Variants in SLC35G1 observed in about 807,000 individuals in gnomAD.
SLC35G1 encodes the protein partner of STIM1.
SLC35G1 carries 10 observed loss-of-function variants against 17.1 expected under a neutral mutation model. The observed-to-expected ratio is 0.59, with a 90% CI of 0.36 to 0.99. The LOEUF (loss-of-function observed/expected upper bound fraction) is 0.99. Among genes scored for constraint, SLC35G1 ranks in the 50% least tolerant of loss-of-function variants. The pLI is 0.01. For synonymous variants in SLC35G1, 185 were observed against 181.1 expected (o/e 1.02, Z -0.18); for missense variants, 433 against 468.4 (o/e 0.92, Z 0.70).
chr10:93,899,199 G>A (rs2060358706), intron 2 of SLC35G1, among the ~76,000 whole-genome samples: 1 of 152,204 alleles, frequency 6.6e-6, no homozygotes, highest in Non-Finnish European at 1.5e-5. Flanking sequence ...CTCAAAAGGT[G>A]ATGGGGTAAC....
Position 93,901,952 on chromosome 10 carries a change from G to T in SLC35G1, c.*462G>T. 1 of 153,248 alleles carries T rather than the reference G, an allele frequency of 6.5e-6. No homozygotes were observed. Among genetic ancestry groups the T allele is most frequent in the Non-Finnish European group, 1.5e-5 (1 of 68,500 alleles). The allele number at this position is 153,248 out of a possible 1,614,324, so 9.5% of individuals were successfully genotyped here. A position where few individuals can be genotyped will look rare whatever the true frequency, so the allele number is the denominator to read the frequency against. On this transcript the variant is annotated 3_prime_UTR_variant, in exon 3 of 3. Coordinates refer to ENST00000427197, the MANE Select transcript of SLC35G1 (RefSeq NM_001134658.3). ...ACAATTGATAATGCTGCTATAATTA[G>T]TATTATGTTGATAATTCATTTGCAA... is the stretch of plus-strand genomic sequence containing the variant.
rs963524812 is a variant in SLC35G1 at position 93,894,005 on chromosome 10, C to T, written c.-29C>T. 2.2e-6 allele frequency: 3 copies of T among 1,357,604 alleles called. No homozygotes were observed. The highest frequency in any genetic ancestry group is 2.8e-6 in the Non-Finnish European group (3 of 1,059,844). The allele number at this position is 1,357,604 out of a possible 1,614,324, so 84.1% of individuals were successfully genotyped here. ...GCGCTGCTGCTGGCGCCAGACGGCACCGGCCGCTGGTAGAGCGCGTGCCGC... is the reference window on the plus strand; with the variant it reads ...GCGCTGCTGCTGGCGCCAGACGGCATCGGCCGCTGGTAGAGCGCGTGCCGC... On this transcript the variant is annotated 5_prime_UTR_variant, in exon 1 of 3. Transcript: ENST00000427197.
In SLC35G1 at chr10:93,901,549, G is replaced by A. The variant is rs1393046560; in HGVS notation, c.*59G>A. 8.0e-6 allele frequency: 12 copies of A among 1,496,250 alleles called. No homozygotes were observed. Among genetic ancestry groups the A allele is most frequent in the Non-Finnish European group, 9.8e-6 (11 of 1,122,988 alleles). The allele number at this position is 1,496,250 out of a possible 1,614,324, so 92.7% of individuals were successfully genotyped here. ...TACACCATCACCTAATTCACATACA[G>A]CATACGCACACATCTGGAAAATCTG... On this transcript the variant is annotated 3_prime_UTR_variant, in exon 3 of 3. Transcript: ENST00000427197.
In SLC35G1 at chr10:93,903,735, T is replaced by C. The variant is rs1275627467; in HGVS notation, c.*2245T>C. ...TGTAACAACTATGGGTATGTATATTTTGCAGAGCGTAGTTTCTATATCTTG... is the reference window on the plus strand; with the variant it reads ...TGTAACAACTATGGGTATGTATATTCTGCAGAGCGTAGTTTCTATATCTTG... On this transcript the variant is annotated 3_prime_UTR_variant, in exon 3 of 3. Coordinates refer to ENST00000427197, the MANE Select transcript of SLC35G1 (RefSeq NM_001134658.3). 1.3e-5 allele frequency: 2 copies of C among 152,258 alleles called. No individual in the cohort carries two copies. The highest frequency in any genetic ancestry group is 2.9e-5 in the Non-Finnish European group (2 of 68,038). 9.4% of individuals were successfully genotyped at this position (152,258 alleles called of 1,614,324 possible). A position where few individuals can be genotyped will look rare whatever the true frequency, so the allele number is the denominator to read the frequency against.
downstream of SLC35G1, among the ~76,000 whole-genome samples, chr10:93,905,408 A>G (rs1248216626): frequency 1.3e-5 from 2 of 152,234 alleles, no homozygotes; most frequent in South Asian, 4.1e-4. Flanking sequence ...GCCTTATATC[A>G]GATCTAATAC....
chr10:93,906,667 A>C (rs12263238), downstream of SLC35G1, among the ~76,000 whole-genome samples: 4,947 of 152,276 alleles, frequency 0.032, 265 homozygotes, highest in African/African-American at 0.11. Flanking sequence ...GGACATTTTC[A>C]TGGGGTTTTT....
rs1257548488 is a variant in SLC35G1 at position 93,901,328 on chromosome 10, G to A, written c.936G>A (p.Gly312=). ...ITKALQIEKA[G]PVAIMKTMDV... ...AAGCACTTCAAATAGAAAAAGCAGG[G>A]CCAGTAGCAATAATGAAGACAATGG... is the stretch of plus-strand genomic sequence containing the variant. Residue 312 remains glycine (G), a synonymous_variant, in exon 3 of 3, where the codon GGG becomes GGA. Transcript: ENST00000427197. The A allele has an allele frequency of 6.2e-7, 1 of 1,613,986 alleles. No homozygotes were observed.
In SLC35G1 at chr10:93,901,652, G is replaced by C; in HGVS notation, c.*162G>C. On this transcript the variant is annotated 3_prime_UTR_variant, in exon 3 of 3. Coordinates refer to ENST00000427197, the MANE Select transcript of SLC35G1 (RefSeq NM_001134658.3). ...TATAGTATGTCTTTAGTTAAGAATA[G>C]CTAGTCTGTTTGGTGTAACAATTTT... 1.2e-6 allele frequency: 1 copy of C among 801,682 alleles called. No homozygotes were observed. Among genetic ancestry groups the C allele is most frequent in the South Asian group, 3.7e-5 (1 of 27,086 alleles). 49.7% of individuals were successfully genotyped at this position (801,682 alleles called of 1,614,324 possible).
chr10:93,905,306 TA>T (rs2134073708), downstream of SLC35G1, among the ~76,000 whole-genome samples: 1 of 152,280 alleles, frequency 6.6e-6, no homozygotes, highest in East Asian at 1.9e-4. Flanking sequence ...CCATGGTCAA[TA>T]ATGGGCATTA....
At chr10:93,907,248 C>T (rs1411739509), downstream of SLC35G1, 1 of 152,204 alleles carries the variant, frequency 6.6e-6, no homozygotes, top group African/African-American at 2.4e-5. Flanking sequence ...AACAGATGAA[C>T]ACACTTCCTG....
Position 93,901,569 on chromosome 10 carries a change from A to T in SLC35G1, c.*79A>T. ...ATACAGCATACGCACACATCTGGAAAATCTGCATTTTCTTCATTGGTTGTA... is the reference window on the plus strand; with the variant it reads ...ATACAGCATACGCACACATCTGGAATATCTGCATTTTCTTCATTGGTTGTA... On this transcript the variant is annotated 3_prime_UTR_variant, in exon 3 of 3. Transcript: ENST00000427197. 2 of 1,429,158 alleles carry T rather than the reference A, an allele frequency of 1.4e-6. No homozygotes were observed. Among genetic ancestry groups the T allele is most frequent in the Non-Finnish European group, 1.8e-6 (2 of 1,083,152 alleles). The allele number at this position is 1,429,158 out of a possible 1,614,324, so 88.5% of individuals were successfully genotyped here. A position where few individuals can be genotyped will look rare whatever the true frequency, so the allele number is the denominator to read the frequency against.
chr10:93,900,603 A>T, intron 2 of SLC35G1, 149 bp from the exon 3 acceptor site: 1 of 712,396 alleles, frequency 1.4e-6, no homozygotes, highest in Non-Finnish European at 2.1e-6. Flanking sequence ...TAAAAAGTAT[A>T]TAATATTCAT....
chr10:93,895,622 G>A (rs1295826201), intron 1 of SLC35G1, among the ~76,000 whole-genome samples: 2 of 152,242 alleles, frequency 1.3e-5, no homozygotes, highest in East Asian at 3.8e-4. Context: ...AAGGTGACAA[G>A]ATAATATTTT....
chr10:93,895,352 A>T (rs59970147), intron 1 of SLC35G1, among the ~76,000 whole-genome samples: 1,925 of 152,330 alleles, frequency 0.013, 38 homozygotes, highest in African/African-American at 0.044. Context: ...AACAGGGGTT[A>T]TGCCAGGCTG....
chr10:93,900,638 T>TGG, intron 2 of SLC35G1, 114 bp from the exon 3 acceptor site: 1 of 801,248 alleles, frequency 1.2e-6, no homozygotes, highest in South Asian at 2.4e-5. Flanking sequence ...ATTAATTTAC[T>TGG]ATTCCCTCAT....
At chr10:93,895,021 C>T (rs1326117848) in intron 1 of SLC35G1, among the ~76,000 whole-genome samples, 4 of 152,228 alleles carry the variant, frequency 2.6e-5, no homozygotes, top group African/African-American at 9.6e-5. Context: ...CCACTGGCCA[C>T]AAGTGCTGCT....
chr10:93,898,654 T>C lies in SLC35G1; in HGVS notation c.262T>C (p.Phe88Leu), dbSNP rs1245815188. ...SAFLFSVGSL[F>L]VKKVQDVHAV... ...CTTCCTTTTCTCAGTGGGCTCTTTA[T>C]TTGTTAAAAAAGTGCAAGACGTCCA... The change falls in exon 2 of 3, where the codon TTT becomes CTT. Residue 88 changes from phenylalanine (F) to leucine (L), a missense_variant. By Grantham distance (22) the Phe-to-Leu change is conservative (BLOSUM62 0). Transcript: ENST00000427197. The C allele has an allele frequency of 3.1e-6, 5 of 1,614,044 alleles. No individual in the cohort carries two copies. The highest frequency in any genetic ancestry group is 4.2e-6 in the Non-Finnish European group (5 of 1,179,940).
chr10:93,905,708 A>G (rs1284949911), downstream of SLC35G1, among the ~76,000 whole-genome samples: 1 of 152,234 alleles, frequency 6.6e-6, no homozygotes, highest in Non-Finnish European at 1.5e-5. Context: ...TGTCATTACT[A>G]GAGAAAGAGC....
rs35725724 is a variant in SLC35G1 at position 93,898,562 on chromosome 10, C to CT, written c.179-4dup. On this transcript the variant is annotated splice_polypyrimidine_tract_variant and intron_variant, in intron 1 of 2. Coordinates refer to ENST00000427197, the MANE Select transcript of SLC35G1 (RefSeq NM_001134658.3). ...AAGCAAGGACTAACCAGAATTTAAT[C>CT]TTTTTCAGAAGCCAAGAAGAAAGCA... The CT allele has an allele frequency of 6.3e-7, 1 of 1,594,412 alleles. No individual in the cohort carries two copies. Among genetic ancestry groups the CT allele is most frequent in the South Asian group, 1.1e-5 (1 of 88,028 alleles).
Sources: allele counts gnomAD v4.1 joint callset (sites outside exome capture counted in the v4.1 genomes callset), GRCh38; gene constraint gnomAD v4.1.1; transcripts MANE v1.5; gene names NCBI Gene and HGNC (gene_info 2026-07-23, HGNC 2026-07-21).